APOC4: variants seen among roughly 807,000 people sequenced by gnomAD.
APOC4 encodes apolipoprotein C4, also known as apolipoprotein C-IV.
In APOC4, 10 loss-of-function variants were observed where a neutral mutation model predicts 8.4. The ratio of observed to expected loss-of-function variants is 1.19; its 90% confidence interval spans 0.74 to 2.03. The LOEUF is 2.03. Ranked by LOEUF, APOC4 falls within the 30% of genes most tolerant of loss-of-function variation. The pLI, the probability that APOC4 is intolerant of heterozygous loss-of-function variation, is 0.00. For synonymous variants in APOC4, 59 were observed against 65.8 expected, an observed-to-expected ratio of 0.90 and a Z score of 0.50; for missense variants, 160 against 156.1, an observed-to-expected ratio of 1.02 and a Z score of -0.13.
At chr19:44,944,660 C>A in intron 1 of APOC4, 89 bp from the exon 2 acceptor site, 1 of 1,466,972 alleles carries the variant, frequency 6.8e-7, no homozygotes, top group Admixed American at 2.5e-5. Context: ...CCTGGGCCAC[C>A]GGGAGCGACA....
chr19:44,944,131 CA>C (rs1259549042), intron 1 of APOC4, among the ~76,000 whole-genome samples: 1 of 152,098 alleles, frequency 6.6e-6, no homozygotes, highest in African/African-American at 2.4e-5. Flanking sequence ...AGTTCCTGGG[CA>C]GCAAAATCAG....
At chr19:44,943,841 C>T (rs1401304462) in intron 1 of APOC4, among the ~76,000 whole-genome samples, 6 of 152,214 alleles carry the variant, frequency 3.9e-5, no homozygotes, top group Non-Finnish European at 2.9e-5. Context: ...ATTATTACCC[C>T]GTTCTACAAA....
chr19:44,942,733 G>A (rs1312729789), intron 1 of APOC4, among the ~76,000 whole-genome samples: 4 of 151,730 alleles, frequency 2.6e-5, no homozygotes, highest in Non-Finnish European at 4.4e-5. Flanking sequence ...TGGTGTGTAC[G>A]TCTGTGTTTT....
At chr19:44,942,608 TA>T (rs376849536) in intron 1 of APOC4, among the ~76,000 whole-genome samples, 50 of 151,000 alleles carry the variant, frequency 3.3e-4, no homozygotes, top group Middle Eastern at 3.4e-3. Flanking sequence ...GCAGTCGTGG[TA>T]AAAAAGTGCA....
intron 2 of APOC4, 111 bp downstream of exon 2, chr19:44,945,001 T>C: frequency 6.6e-7 from 1 of 1,521,928 alleles, no homozygotes; most frequent in Non-Finnish European, 8.8e-7. Context: ...GGAGTGGGGC[T>C]GTGACCCCTA....
rs891471206 is a variant in APOC4, at chr19:44,942,944, C to T, written c.76+591C>T. ...CCTGGCTAATTTTTTTTTTTTGAGA[C>T]GGAGTCTCGCTCTGTTACCCAGGCT... On this transcript the variant is annotated intron_variant, in intron 1 of 2. Transcript: ENST00000592954. Among the ~76,000 whole-genome samples, 4 of 149,270 alleles carry T rather than the reference C, an allele frequency of 2.7e-5. No individual in the cohort carries two copies. The South Asian group carries it at 6.4e-4, about 24-fold the overall frequency.
At chr19:44,944,546 A>G (rs1411633358) in intron 1 of APOC4, among the ~76,000 whole-genome samples, 1 of 151,650 alleles carries the variant, frequency 6.6e-6, no homozygotes, top group Non-Finnish European at 1.5e-5. Context: ...AAAAAAAAGA[A>G]AAAAGAAAAA....
chr19:44,945,194 G>C lies in APOC4; in HGVS notation c.273G>C (p.Arg91Ser), dbSNP rs767733282. ...AGACCTACTATGACGACCACCTGAG[G>C]GACCTGGGTCCGCTCACCAAGGCCT... Reference protein sequence around the residue: ...FMQTYYDDHLRDLGPLTKAWF... With the variant: ...FMQTYYDDHLSDLGPLTKAWF... The change falls in exon 3 of 3, where the codon AGG (arginine) becomes AGC (serine). Residue 91 changes from arginine to serine, a missense_variant. Transcript: ENST00000592954. 23 of 1,614,084 alleles carry C rather than the reference G, an allele frequency of 1.4e-5. No individual in the cohort carries two copies. Among genetic ancestry groups the C allele is most frequent in the Non-Finnish European group, 1.9e-5 (23 of 1,180,002 alleles).
Position 44,942,473 on chromosome 19 carries a change from G to A in APOC4, c.76+120G>A, listed in dbSNP as rs113745034. 881 of 905,384 alleles carry A rather than the reference G, an allele frequency of 9.7e-4. 5 individuals carry two copies. The African/African-American group carries it at 0.012, about 12-fold the overall frequency. 56.1% of individuals were successfully genotyped at this position (905,384 alleles called of 1,614,324 possible). ...GTACGGAGTGTGTGCGTTTCATGGCGTGCGTATGCATGTGCGTGTCGGGGA... is the reference window on the plus strand; with the variant it reads ...GTACGGAGTGTGTGCGTTTCATGGCATGCGTATGCATGTGCGTGTCGGGGA... On this transcript the variant is annotated intron_variant, in intron 1 of 2. Transcript: ENST00000592954.
Position 44,945,126 on chromosome 19 carries a change from CCT to C in APOC4, c.219-8_219-7del. 2.5e-6 allele frequency: 4 copies of C among 1,611,980 alleles called. No homozygotes were observed. Among genetic ancestry groups the C allele is most frequent in the Non-Finnish European group, 3.4e-6 (4 of 1,179,172 alleles). On this transcript the variant is annotated splice_polypyrimidine_tract_variant and intron_variant, in intron 2 of 2. Transcript: ENST00000592954. ...AGAGCTGGGGCCTCCACTGTGATGTCCTCTCTCCTGTAGGAGCCCGAGCACCT... is the reference window on the plus strand; with the variant it reads ...AGAGCTGGGGCCTCCACTGTGATGTCCTCTCCTGTAGGAGCCCGAGCACCT...
rs759455284 is a variant in APOC4 at position 44,944,747 on chromosome 19, A to G, written c.77-2A>G. 3 of 1,610,336 alleles carry G rather than the reference A, an allele frequency of 1.9e-6. No homozygotes were observed. Among genetic ancestry groups the G allele is most frequent in the Non-Finnish European group, 1.7e-6 (2 of 1,178,670 alleles). On this transcript the variant is annotated splice_acceptor_variant, in intron 1 of 2. Coordinates refer to ENST00000592954, the MANE Select transcript of APOC4 (RefSeq NM_001646.3). LOFTEE classifies it high-confidence loss of function. The stretch of plus-strand genomic sequence containing the variant: ...CCCAAGTTGCCCTCTGGTTCCACCT[A>G]GCATGCCAGCCAGAGGCCCAGGAAG...
intron 2 of APOC4, 86 bp downstream of exon 2, chr19:44,944,976 G>A: frequency 6.5e-7 from 1 of 1,531,530 alleles, no homozygotes; most frequent in South Asian, 1.2e-5. Context: ...GAGTCTCAGG[G>A]AGGAGGAAAG....
intron 1 of APOC4, among the ~76,000 whole-genome samples, chr19:44,942,603 C>G (rs371691491): frequency 3.2e-4 from 49 of 151,714 alleles, no homozygotes; most frequent in Middle Eastern, 3.4e-3. Context: ...AGTATGCAGT[C>G]GTGGTAAAAA....
chr19:44,944,224 C>T (rs1441958838), intron 1 of APOC4, among the ~76,000 whole-genome samples: 1 of 152,074 alleles, frequency 6.6e-6, no homozygotes, highest in East Asian at 1.9e-4. Context: ...ACAGGAGGGA[C>T]TACTGACACA....
At chr19:44,942,440 A>G in intron 1 of APOC4, 87 bp downstream of exon 1, 1 of 1,336,380 alleles carries the variant, frequency 7.5e-7, no homozygotes, top group Non-Finnish European at 1.0e-6. Flanking sequence ...TAGCCACGTG[A>G]GACATGAGTA....
intron 1 of APOC4, among the ~76,000 whole-genome samples, chr19:44,943,652 G>A (rs1169417936): frequency 1.3e-5 from 2 of 151,768 alleles, no homozygotes; most frequent in Non-Finnish European, 2.9e-5. Flanking sequence ...ACTTGAACCC[G>A]GGAGGCAGAG....
In APOC4 at chr19:44,944,513, CAA is replaced by C. The variant is rs1377760609; in HGVS notation, c.77-235_77-234del. On this transcript the variant is annotated intron_variant, in intron 1 of 2. Transcript: ENST00000592954. ...CTGCACTCCACCCTGGGCAACAGAG[CAA>C]GAGACTGACTCTGTCTCATAAAAAA... Among the ~76,000 whole-genome samples, 3 of 147,786 alleles carry C rather than the reference CAA, an allele frequency of 2.0e-5. No homozygotes were observed. The East Asian group carries it at 6.0e-4, about 29-fold the overall frequency.
intron 1 of APOC4, among the ~76,000 whole-genome samples, chr19:44,943,455 G>A (rs1414195022): frequency 6.6e-6 from 1 of 151,608 alleles, no homozygotes; most frequent in Non-Finnish European, 1.5e-5. Context: ...CAGGCACGGT[G>A]GCTCATGCCT....
rs151184718 is a variant in APOC4, at chr19:44,944,875, G to A, written c.203G>A (p.Gly68Glu). The change falls in exon 2 of 3, where the codon GGG becomes GAG. Residue 68 changes from glycine (G) to glutamate (E), a missense_variant. Transcript: ENST00000592954. ...ACAGTGGTGAACAGGACCAGAGACG[G>A]GTGGCAATGGTTCTGGTGAGGGTGT... ...LETVVNRTRDGWQWFWSPSTF... is the reference protein window; with the variant it reads ...LETVVNRTRDEWQWFWSPSTF... 4.7e-5 allele frequency: 76 copies of A among 1,605,954 alleles called. No homozygotes were observed. Among genetic ancestry groups the A allele is most frequent in the African/African-American group, 9.3e-5 (7 of 74,878 alleles).
Sources: gnomAD v4.1 joint callset for allele counts (sites outside exome capture counted in the v4.1 genomes callset) on GRCh38, gnomAD v4.1.1 for gene constraint, MANE v1.5 for transcripts, NCBI Gene and HGNC (gene_info 2026-07-23, HGNC 2026-07-21) for gene names.